The following DUS2 variants were observed in gnomAD, a reference collection of about 807,000 sequenced individuals.
DUS2 encodes tRNA-dihydrouridine(20) synthase [NAD(P)+]-like.
In DUS2, 52 loss-of-function variants were observed where a neutral mutation model predicts 71.3. The ratio of observed to expected loss-of-function variants is 0.73; its 90% CI spans 0.58 to 0.92. DUS2 has a LOEUF of 0.92. Among genes scored for constraint, DUS2 ranks in the 40% least tolerant of loss-of-function variants. DUS2 has a pLI of 0.00. For synonymous variants in DUS2, 204 were observed against 227.8 expected (o/e 0.90, Z 0.94); for missense variants, 558 against 622.6 (o/e 0.90, Z 1.10).
At position 68,071,118 on chromosome 16, in the gene DUS2, T is replaced by C. The variant is rs919358257; in HGVS notation, c.810+10T>C. On this transcript the variant is annotated intron_variant, in intron 12 of 16. Coordinates refer to ENST00000565263, the MANE Select transcript of DUS2 (RefSeq NM_017803.5). The stretch of plus-strand genomic sequence containing the variant: ...GAAATACATCAGATACGTACGTCTC[T>C]GTACTTTTTCAAAACAAGCATTTCT... The C allele has an allele frequency of 3.7e-6, 6 of 1,613,116 alleles. No homozygotes were observed. In the Admixed American group the frequency reaches 1.0e-4, roughly 27 times the overall value.
Position 68,074,137 on chromosome 16 carries a change from A to G in DUS2, c.914A>G (p.Gln305Arg), listed in dbSNP as rs748746168. 35 of 1,614,058 alleles carry G rather than the reference A, an allele frequency of 2.2e-5. No individual in the cohort carries two copies. The East Asian group carries it at 7.6e-4, about 35-fold the overall frequency. ...SPQGRLLHAAQSSREICEAFG... is the reference protein window; with the variant it reads ...SPQGRLLHAARSSREICEAFG... ...CAGGGAAGGTTGCTCCATGCTGCCC[A>G]GTCTTCCCGGGAAATTTGGTAAGAG... Residue 305 changes from glutamine to arginine, a missense_variant, in exon 13 of 17, where the codon CAG becomes CGG. Transcript: ENST00000565263.
chr16:68,070,131 A>C lies in DUS2; in HGVS notation c.555-3A>C, dbSNP rs760282934. ...CCCTCAGCCCCATCTTTCTATCTCC[A>C]AGGAAGCGGGAGGAGCGACCTCAGC... On this transcript the variant is annotated splice_region_variant and splice_polypyrimidine_tract_variant and intron_variant, in intron 10 of 16. Transcript: ENST00000565263. The C allele has an allele frequency of 3.1e-6, 5 of 1,613,812 alleles. No individual in the cohort carries two copies. In the South Asian group the frequency reaches 5.5e-5, roughly 18 times the overall value.
intron 7 of DUS2, among the ~76,000 whole-genome samples, chr16:68,059,470 A>T (rs2033908768): frequency 6.6e-6 from 1 of 152,194 alleles, no homozygotes; most frequent in South Asian, 2.1e-4. Flanking sequence ...GAGTGGAAGG[A>T]CAGATGGAGC....
intron 5 of DUS2, 41 bp downstream of exon 5, chr16:68,053,696 A>C (rs781713130): frequency 3.0e-5 from 49 of 1,606,576 alleles, no homozygotes; most frequent in Non-Finnish European, 3.9e-5. Context: ...GAGGCTCACC[A>C]TCCCCTGGGA....
At chr16:68,039,261 G>C (rs2033583900) in intron 3 of DUS2, among the ~76,000 whole-genome samples, 2 of 152,120 alleles carry the variant, frequency 1.3e-5, no homozygotes, top group Non-Finnish European at 2.9e-5. Context: ...AACCATGTCA[G>C]GTAATGCAGA....
At chr16:68,056,787 G>T (rs2033858397) in intron 7 of DUS2, among the ~76,000 whole-genome samples, 1 of 145,388 alleles carries the variant, frequency 6.9e-6, no homozygotes, top group Non-Finnish European at 1.5e-5. Context: ...TACATATATA[G>T]ATTCATACAT....
chr16:68,056,685 C>G (rs929644586), intron 7 of DUS2, among the ~76,000 whole-genome samples: 3 of 151,736 alleles, frequency 2.0e-5, no homozygotes, highest in Middle Eastern at 3.4e-3. Flanking sequence ...AGAATACACA[C>G]TGAAATATTT....
At chr16:68,074,709 G>A (rs2034133514) in intron 13 of DUS2, among the ~76,000 whole-genome samples, 1 of 152,232 alleles carries the variant, frequency 6.6e-6, no homozygotes, top group African/African-American at 2.4e-5. Flanking sequence ...TCCCTCTCAC[G>A]TGAGCTATCT....
intron 3 of DUS2, among the ~76,000 whole-genome samples, chr16:68,044,931 T>A (rs754793057): frequency 4.6e-5 from 7 of 152,102 alleles, no homozygotes; most frequent in Non-Finnish European, 1.0e-4. Flanking sequence ...TAGCTGGGAT[T>A]ACAGGCGCCT....
chr16:68,073,097 G>A (rs1208364563), intron 12 of DUS2, among the ~76,000 whole-genome samples: 1 of 152,086 alleles, frequency 6.6e-6, no homozygotes, highest in African/African-American at 2.4e-5. Context: ...AAGATACTTG[G>A]CAGTAGGTCC....
At chr16:68,056,517 G>C in intron 7 of DUS2, 93 bp downstream of exon 7, 1 of 1,025,144 alleles carries the variant, frequency 9.8e-7, no homozygotes. Flanking sequence ...CTCTGGACTG[G>C]ATTCTGTACT....
chr16:68,053,461 C>T, intron 4 of DUS2, 103 bp from the exon 5 acceptor site: 1 of 1,046,798 alleles, frequency 9.6e-7, no homozygotes, highest in South Asian at 1.3e-5. Flanking sequence ...GGATCTCTTT[C>T]CCCTTGAAGC....
In DUS2 at chr16:68,078,922, A is replaced by G; in HGVS notation, c.1418A>G (p.Asp473Gly). The change falls in exon 17 of 17, where the codon GAT becomes GGT. Residue 473 changes from aspartate (D) to glycine (G), a missense_variant. Asp to Gly is a moderately conservative substitution (Grantham distance 94). Coordinates refer to ENST00000565263, the MANE Select transcript of DUS2 (RefSeq NM_017803.5). The part of the protein sequence containing the change: ...PRAQELAQPG[D>G]LCKKPFVALG... The stretch of plus-strand genomic sequence containing the variant: ...GCTCAGGAGCTAGCACAACCTGGGG[A>G]TCTGTGCAAGAAGCCCTTTGTGGCC... 6.2e-7 allele frequency: 1 copy of G among 1,611,132 alleles called. No homozygotes were observed.
intron 3 of DUS2, among the ~76,000 whole-genome samples, chr16:68,049,196 A>T (rs988177938): frequency 1.3e-5 from 2 of 152,108 alleles, no homozygotes; most frequent in Non-Finnish European, 2.9e-5. Context: ...TGAGACCAGT[A>T]GGTGAGGAAA....
intron 1 of DUS2, 136 bp downstream of exon 1, chr16:68,023,487 AG>A (rs1431905121): frequency 4.4e-6 from 2 of 451,198 alleles, no homozygotes; most frequent in Non-Finnish European, 8.2e-6. Flanking sequence ...ATGAGGGCGG[AG>A]GGCTTCTGGC....
intron 12 of DUS2, among the ~76,000 whole-genome samples, chr16:68,073,449 C>CTTTTTTTT (rs1213508148): frequency 2.7e-5 from 3 of 111,846 alleles, no homozygotes; most frequent in Admixed American, 9.0e-5. Context: ...TTTTCTTTTT[C>CTTTTTTTT]TTTTTTTTTT....
chr16:68,057,007 TATA>T (rs1401543370), intron 7 of DUS2, among the ~76,000 whole-genome samples: 2 of 139,398 alleles, frequency 1.4e-5, no homozygotes, highest in African/African-American at 5.3e-5. Context: ...AAATATATAA[TATA>T]TAATTATATA....
At chr16:68,036,868 G>C (rs1204150166) in intron 2 of DUS2, among the ~76,000 whole-genome samples, 1 of 151,322 alleles carries the variant, frequency 6.6e-6, no homozygotes, top group Non-Finnish European at 1.5e-5. Context: ...TCAAATCTTT[G>C]CTCCATTTTT....
intron 8 of DUS2, among the ~76,000 whole-genome samples, chr16:68,064,733 G>A (rs938899284): frequency 1.3e-5 from 2 of 152,240 alleles, no homozygotes; most frequent in African/African-American, 4.8e-5. Flanking sequence ...CCTAGAGACT[G>A]TTCCTTCCTG....
Sources: gnomAD v4.1 joint callset for allele counts (sites outside exome capture counted in the v4.1 genomes callset) on GRCh38, gnomAD v4.1.1 for gene constraint, MANE v1.5 for transcripts, NCBI Gene and HGNC (gene_info 2026-07-23, HGNC 2026-07-21) for gene names.